Variants in MCFD2 observed in about 807,000 individuals in gnomAD.
MCFD2 encodes the protein multiple coagulation factor deficiency protein 2.
MCFD2 carries 11 observed loss-of-function variants against 12.8 expected under a neutral mutation model. The ratio of observed to expected loss-of-function variants is 0.86; its 90% CI spans 0.54 to 1.42. The LOEUF (loss-of-function observed/expected upper bound fraction) is 1.42. MCFD2 is among the 40% of genes most tolerant of loss of function. MCFD2 has a pLI of 0.00. For synonymous variants in MCFD2, 70 were observed against 68.1 expected (o/e 1.03, Z -0.14); for missense variants, 191 against 178.6 (o/e 1.07, Z -0.40).
At chr2:46,933,481 A>T (rs1377515172) in intron 1 of MCFD2, among the ~76,000 whole-genome samples, 1 of 152,248 alleles carries the variant, frequency 6.6e-6, no homozygotes, top group African/African-American at 2.4e-5. Context: ...TAATGATTAC[A>T]TGTAGTTTTT....
intron 1 of MCFD2, among the ~76,000 whole-genome samples, chr2:46,930,612 G>A (rs577483284): frequency 8.8e-4 from 133 of 151,056 alleles, no homozygotes; most frequent in African/African-American, 3.1e-3. Context: ...CGATTCTCCT[G>A]CCTCAGCCTC....
Position 46,940,466 on chromosome 2 carries a change from C to T in MCFD2, c.-8+1106G>A, listed in dbSNP as rs1670234278. Among the ~76,000 whole-genome samples the T allele has an allele frequency of 6.6e-6, 1 of 152,186 alleles. No homozygotes were observed. Among genetic ancestry groups the T allele is most frequent in the African/African-American group, 2.4e-5 (1 of 41,454 alleles). ...TCGGCTGCCCCCGCTAGGCCCCGCCCCGTAGTCCTGTGAACTTCTGGGCAC... is the reference window on the plus strand; with the variant it reads ...TCGGCTGCCCCCGCTAGGCCCCGCCTCGTAGTCCTGTGAACTTCTGGGCAC... On this transcript the variant is annotated intron_variant, in intron 1 of 2. Transcript: ENST00000409147. This position sits in a 1 kb window ranked among gnomAD's most constrained non-coding sequence, Gnocchi z 4.7.
chr2:46,908,134 T>A lies in MCFD2; in HGVS notation c.150-165A>T. 2.7e-6 allele frequency: 2 copies of A among 741,684 alleles called. No homozygotes were observed. The highest frequency in any genetic ancestry group is 4.7e-6 in the Non-Finnish European group (2 of 430,012). 45.9% of individuals were successfully genotyped at this position (741,684 alleles called of 1,614,324 possible). A position where few individuals can be genotyped will look rare whatever the true frequency, so the allele number is the denominator to read the frequency against. ...GGATTACACAGAGATAGACAAGGCC[T>A]TGAGAGGAGCAGGAAAAGTCAAATA... On this transcript the variant is annotated intron_variant, in intron 2 of 3. Transcript: ENST00000319466. This position sits in a 1 kb window ranked among gnomAD's most constrained non-coding sequence, Gnocchi z 4.5.
intron 1 of MCFD2, among the ~76,000 whole-genome samples, chr2:46,929,840 A>G (rs1265590090): frequency 6.6e-6 from 1 of 152,242 alleles, no homozygotes; most frequent in African/African-American, 2.4e-5. Context: ...TATGTACAGA[A>G]GTGTTATGTG....
intron 1 of MCFD2, among the ~76,000 whole-genome samples, chr2:46,935,960 G>C (rs926117693): frequency 6.6e-6 from 1 of 152,038 alleles, no homozygotes; most frequent in East Asian, 1.9e-4. Flanking sequence ...GGGTGGTGGC[G>C]TGTGCCTGTA....
At chr2:46,926,599 G>A (rs557180017) in intron 1 of MCFD2, among the ~76,000 whole-genome samples, 1 of 152,296 alleles carries the variant, frequency 6.6e-6, no homozygotes, top group East Asian at 1.9e-4. Context: ...TGAATAAGGT[G>A]ATTTCAGATT....
In MCFD2 at chr2:46,923,618, G is replaced by A. The variant is rs116398054; in HGVS notation, c.-7-15649C>T. On this transcript the variant is annotated intron_variant, in intron 1 of 2. Transcript: ENST00000409147. ...CATTAAAACTCAGAATTGACCAGGTGTGATGGTTCATGCCTGTAATCCTAA... is the reference window on the plus strand; with the variant it reads ...CATTAAAACTCAGAATTGACCAGGTATGATGGTTCATGCCTGTAATCCTAA... Among the ~76,000 whole-genome samples the A allele has an allele frequency of 9.8e-3, 1,497 of 152,316 alleles. 30 individuals are homozygous for A. Among genetic ancestry groups the A allele is most frequent in the African/African-American group, 0.034 (1,403 of 41,570 alleles).
chr2:46,919,014 C>T (rs1007512664), upstream of MCFD2, among the ~76,000 whole-genome samples: 7 of 152,246 alleles, frequency 4.6e-5, no homozygotes, highest in East Asian at 3.9e-4. Flanking sequence ...GGAGATAGGA[C>T]GGCCATCCCA....
chr2:46,909,119 G>T lies in MCFD2; in HGVS notation c.53C>A (p.Ala18Asp). 6.2e-7 allele frequency: 1 copy of T among 1,614,222 alleles called. No individual in the cohort carries two copies. The change falls in exon 2 of 4, where the codon GCC (alanine) becomes GAC (aspartate). Residue 18 changes from alanine (A) to aspartate (D), a missense_variant. By Grantham distance (126) the Ala-to-Asp change is moderately radical (BLOSUM62 -2). Coordinates refer to ENST00000319466, the MANE Select transcript of MCFD2 (RefSeq NM_139279.6). ...RTPFLCGLLWAFCAPGARAEE... is the reference protein window; with the variant it reads ...RTPFLCGLLWDFCAPGARAEE... Reference sequence around the variant, plus strand: ...AGCCCTGGCGCCTGGGGCACAAAAGGCCCAGAGCAGGCCACACAGGAAGGG... The same window carrying T: ...AGCCCTGGCGCCTGGGGCACAAAAGTCCCAGAGCAGGCCACACAGGAAGGG...
At chr2:46,928,459 TAAAAAAAAAAAAAA>T (rs35897582) in intron 1 of MCFD2, among the ~76,000 whole-genome samples, 1 of 81,976 alleles carries the variant, frequency 1.2e-5, no homozygotes, top group Admixed American at 1.4e-4. Flanking sequence ...AAAGGGAAAT[TAAAAAAAAAAAAAA>T]AAAAAAAAAA....
At chr2:46,917,174 T>C (rs1255002860), upstream of MCFD2, 3 of 701,436 alleles carry the variant, frequency 4.3e-6, no homozygotes, top group South Asian at 1.5e-5. Context: ...TTTTTTTTCT[T>C]TTTTTAAAGA....
chr2:46,915,804 T>TGGGGGGGGGGGGGGGGGGGGC lies in MCFD2; in HGVS notation c.-89_-88insGCCCCCCCCCCCCCCCCCCCC. ...GTCCCCAAAACGCTCTTCCTCGGCT[T>TGGGGGGGGGGGGGGGGGGGGC]CGCCCCGCCCCCCCCCCCCCCCCGA... is the stretch of plus-strand genomic sequence containing the variant. On this transcript the variant is annotated 5_prime_UTR_variant, in exon 1 of 4. Transcript: ENST00000319466. The TGGGGGGGGGGGGGGGGGGGGC allele has an allele frequency of 7.0e-6, 4 of 568,430 alleles. No individual in the cohort carries two copies. The highest frequency in any genetic ancestry group is 5.9e-6 in the Non-Finnish European group (3 of 510,736). 35.2% of individuals were successfully genotyped at this position (568,430 alleles called of 1,614,324 possible).
chr2:46,918,342 T>G (rs1668922670), upstream of MCFD2, among the ~76,000 whole-genome samples: 1 of 152,224 alleles, frequency 6.6e-6, no homozygotes, highest in Admixed American at 6.5e-5. Context: ...ATCCTGAGTC[T>G]TTGACTTCTT....
intron 1 of MCFD2, among the ~76,000 whole-genome samples, chr2:46,913,119 G>A (rs1015322398): frequency 2.6e-5 from 4 of 152,122 alleles, no homozygotes; most frequent in Non-Finnish European, 5.9e-5. Flanking sequence ...AGGGAGGTGG[G>A]ATAAAGGCCA....
intron 3 of MCFD2, among the ~76,000 whole-genome samples, chr2:46,906,609 C>T (rs1273204352): frequency 2.6e-5 from 4 of 151,386 alleles, no homozygotes; most frequent in Non-Finnish European, 2.9e-5. Flanking sequence ...ACTACCCTCC[C>T]ACCCCGTCAC....
In MCFD2 at chr2:46,909,088, C is replaced by A; in HGVS notation, c.84G>T (p.Glu28Asp). The change falls in exon 2 of 4, where the codon GAG becomes GAT. Residue 28 changes from glutamate (E) to aspartate (D), a missense_variant. Glu to Asp is a conservative substitution (Grantham distance 45). Coordinates refer to ENST00000319466, the MANE Select transcript of MCFD2 (RefSeq NM_139279.6). ...AFCAPGARAE[E>D]PAASFSQPGS... ...CGGGTTGGGAGAAGCTGGCTGCAGG[C>A]TCCTCAGCCCTGGCGCCTGGGGCAC... The A allele has an allele frequency of 1.2e-5, 20 of 1,614,236 alleles. No individual in the cohort carries two copies. The highest frequency in any genetic ancestry group is 1.7e-5 in the Non-Finnish European group (20 of 1,180,044).
At chr2:46,917,919 T>G (rs548862342), upstream of MCFD2, among the ~76,000 whole-genome samples, 1 of 152,388 alleles carries the variant, frequency 6.6e-6, no homozygotes, top group South Asian at 2.1e-4. Context: ...CTTAATTGGC[T>G]TCTCAATCTA....
In MCFD2 at chr2:46,907,096, C is replaced by T. The variant is rs1260213413; in HGVS notation, c.309+714G>A. 6.5e-6 allele frequency: 1 copy of T among 153,102 alleles called. No homozygotes were observed. Among genetic ancestry groups the T allele is most frequent in the Non-Finnish European group, 1.5e-5 (1 of 68,746 alleles). 9.5% of individuals were successfully genotyped at this position (153,102 alleles called of 1,614,324 possible). A position where few individuals can be genotyped will look rare whatever the true frequency, so the allele number is the denominator to read the frequency against. ...TGAAAGGGCTTCAGAAACTTTGGAG[C>T]ACCATACAGTATCACACAAGCCCTC... On this transcript the variant is annotated intron_variant, in intron 3 of 3. Coordinates refer to ENST00000319466, the MANE Select transcript of MCFD2 (RefSeq NM_139279.6). This position sits in a 1 kb window ranked among gnomAD's most constrained non-coding sequence, Gnocchi z 4.1.
In MCFD2 at chr2:46,938,402, A is replaced by G. The variant is rs761208160; in HGVS notation, c.-8+3170T>C. ...CGCCTATCTAATAATCCTCAACACA[A>G]CTTCCCTTTGCCACAGCCTAAACCT... On this transcript the variant is annotated intron_variant, in intron 1 of 2. Coordinates refer to the MCFD2 transcript ENST00000409147. Among the ~76,000 whole-genome samples the G allele has an allele frequency of 2.6e-4, 39 of 152,128 alleles. 1 individual carries two copies. The South Asian group carries it at 5.6e-3, about 22-fold the overall frequency.
Sources: gnomAD v4.1 joint callset for allele counts (sites outside exome capture counted in the v4.1 genomes callset) on GRCh38, gnomAD v4.1.1 for gene constraint, Gnocchi (gnomAD v3.1) non-coding constraint, MANE v1.5 for transcripts, NCBI Gene and HGNC (gene_info 2026-07-23, HGNC 2026-07-21) for gene names.